PLCB1: variants seen among roughly 807,000 people sequenced by gnomAD.
PLCB1 encodes the protein phospholipase C beta 1, also known as 1-phosphatidylinositol 4,5-bisphosphate phosphodiesterase beta-1.
In PLCB1, 46 loss-of-function variants were observed where a neutral mutation model predicts 161.8. That is an observed-to-expected ratio of 0.28 (90% confidence interval 0.22 to 0.36). The LOEUF is 0.36. Ranked by LOEUF, PLCB1 falls within the 10% of genes least tolerant of loss-of-function variation. The pLI, the probability that PLCB1 is intolerant of heterozygous loss-of-function variation, is 1.00. For missense variants in PLCB1, 1,016 were observed against 1,472.5 expected (o/e 0.69, Z 5.07); for synonymous variants, 517 against 503.7 (o/e 1.03, Z -0.35).
chr20:8,703,764 AAG>A (rs1443428101), intron 11 of PLCB1, among the ~76,000 whole-genome samples: 3 of 152,146 alleles, frequency 2.0e-5, no homozygotes, highest in African/African-American at 7.2e-5. Flanking sequence ...CCACTGTGGG[AAG>A]AGAGAATGAA....
intron 3 of PLCB1, among the ~76,000 whole-genome samples, chr20:8,471,686 T>C (rs528085692): frequency 5.3e-5 from 8 of 152,266 alleles, no homozygotes; most frequent in South Asian, 2.1e-4. Context: ...GCTAGGTGAA[T>C]TGGATTTTGC....
intron 31 of PLCB1, among the ~76,000 whole-genome samples, chr20:8,791,500 AT>A (rs1983756665): frequency 1.3e-5 from 2 of 152,296 alleles, no homozygotes; most frequent in South Asian, 4.1e-4. Context: ...AGATACATAC[AT>A]TTCTAATCTA....
At chr20:8,757,274 C>A in intron 24 of PLCB1, 96 bp downstream of exon 24, 1 of 1,300,114 alleles carries the variant, frequency 7.7e-7, no homozygotes, top group South Asian at 1.8e-5. Flanking sequence ...GCTAAAGCAT[C>A]AAGTGGGGAA....
rs190614186 is a variant in PLCB1 at position 8,354,864 on chromosome 20, A to G, written c.178-16518A>G. The stretch of plus-strand genomic sequence containing the variant: ...TGAATTTAGTAACAGTGAAAATTCC[A>G]TACACATAGGAATATAGCAGAATTT... On this transcript the variant is annotated intron_variant, in intron 2 of 31. Transcript: ENST00000338037. Among the ~76,000 whole-genome samples the G allele has an allele frequency of 6.0e-3, 916 of 152,344 alleles. 6 individuals are homozygous for G. The highest frequency in any genetic ancestry group is 0.021 in the African/African-American group (860 of 41,588).
intron 3 of PLCB1, among the ~76,000 whole-genome samples, chr20:8,563,849 C>T (rs1367309975): frequency 1.3e-5 from 2 of 151,966 alleles, no homozygotes; most frequent in Non-Finnish European, 2.9e-5. Context: ...TAAGAGAGGA[C>T]ATAAACAAAT....
At chr20:8,271,796 A>G (rs916388553) in intron 2 of PLCB1, among the ~76,000 whole-genome samples, 2 of 152,128 alleles carry the variant, frequency 1.3e-5, no homozygotes, top group Non-Finnish European at 2.9e-5. Flanking sequence ...GAAGCATCCT[A>G]CAATCCAATT....
intron 3 of PLCB1, among the ~76,000 whole-genome samples, chr20:8,559,587 A>C (rs1986077061): frequency 6.6e-6 from 1 of 151,992 alleles, no homozygotes; most frequent in Non-Finnish European, 1.5e-5. Flanking sequence ...CTTTAGCTCC[A>C]AAGATACAAA....
chr20:8,502,153 T>C (rs1983453215), intron 3 of PLCB1, among the ~76,000 whole-genome samples: 1 of 152,022 alleles, frequency 6.6e-6, no homozygotes, highest in Non-Finnish European at 1.5e-5. Flanking sequence ...ATTTTTAAAA[T>C]GCTGTTACGC....
chr20:8,134,869 A>T (rs73078245), intron 1 of PLCB1, among the ~76,000 whole-genome samples: 10,859 of 140,164 alleles, frequency 0.077, 503 homozygotes, highest in East Asian at 0.18. Flanking sequence ...GGTCTTTTTT[A>T]AAAAAAAAAA....
intron 31 of PLCB1, among the ~76,000 whole-genome samples, chr20:8,877,649 C>T (rs1987826037): frequency 1.3e-5 from 2 of 152,186 alleles, no homozygotes; most frequent in African/African-American, 4.8e-5. Context: ...TAGCTCTAGA[C>T]CACTGATGGA....
intron 2 of PLCB1, among the ~76,000 whole-genome samples, chr20:8,232,800 C>CT (rs2123187508): frequency 6.6e-6 from 1 of 152,286 alleles, no homozygotes; most frequent in Admixed American, 6.5e-5. Flanking sequence ...TAAGTCCTCT[C>CT]TCCTTTCTTG....
chr20:8,654,140 G>A (rs929860272), intron 7 of PLCB1, among the ~76,000 whole-genome samples: 2 of 151,850 alleles, frequency 1.3e-5, no homozygotes, highest in South Asian at 2.1e-4. Flanking sequence ...AATGCCACCA[G>A]TACTACCACC....
intron 31 of PLCB1, among the ~76,000 whole-genome samples, chr20:8,827,643 A>G (rs1985771408): frequency 6.6e-6 from 1 of 152,208 alleles, no homozygotes; most frequent in South Asian, 2.1e-4. Context: ...CAGTGCCAAT[A>G]TGCAACTTTT....
intron 3 of PLCB1, among the ~76,000 whole-genome samples, chr20:8,485,996 G>A (rs1261349591): frequency 6.6e-6 from 1 of 152,198 alleles, no homozygotes; most frequent in East Asian, 1.9e-4. Context: ...TACAATCGTG[G>A]TGGAAGGGGA....
chr20:8,733,636 T>TCA (rs1980391898), intron 19 of PLCB1, among the ~76,000 whole-genome samples: 20 of 148,338 alleles, frequency 1.3e-4, no homozygotes, highest in Admixed American at 1.3e-3. Context: ...CTGGGGACTG[T>TCA]TGTGGGGTGG....
intron 9 of PLCB1, among the ~76,000 whole-genome samples, chr20:8,669,223 T>C (rs936788225): frequency 6.6e-6 from 1 of 152,234 alleles, no homozygotes; most frequent in Non-Finnish European, 1.5e-5. Context: ...AATAACTATG[T>C]GCGAGGGAAG....
At chr20:8,381,932 T>A (rs1483368214) in intron 3 of PLCB1, among the ~76,000 whole-genome samples, 1 of 151,972 alleles carries the variant, frequency 6.6e-6, no homozygotes, top group East Asian at 1.9e-4. Flanking sequence ...TTTTGGAGGG[T>A]TTTTCATGTC....
At chr20:8,360,688 A>G (rs959514103) in intron 2 of PLCB1, among the ~76,000 whole-genome samples, 15 of 152,178 alleles carry the variant, frequency 9.9e-5, no homozygotes, top group Non-Finnish European at 1.9e-4. Flanking sequence ...ATCGGAAAAG[A>G]TTTGGTTGAA....
chr20:8,473,179 A>G (rs947305492), intron 3 of PLCB1, among the ~76,000 whole-genome samples: 4 of 152,164 alleles, frequency 2.6e-5, no homozygotes, highest in African/African-American at 9.7e-5. Context: ...AGAAGATGAA[A>G]TGGATTTTGG....
Sources: gnomAD v4.1 joint callset for allele counts (sites outside exome capture counted in the v4.1 genomes callset) on GRCh38, gnomAD v4.1.1 for gene constraint, MANE v1.5 for transcripts, NCBI Gene and HGNC (gene_info 2026-07-23, HGNC 2026-07-21) for gene names.